ZMYM2: variants seen among roughly 807,000 people sequenced by gnomAD.
ZMYM2 encodes zinc finger MYM-type protein 2.
A neutral mutation model predicts 162.8 loss-of-function variants in ZMYM2; 56 were observed. The ratio of observed to expected loss-of-function variants is 0.34; its 90% CI spans 0.28 to 0.43. The LOEUF (loss-of-function observed/expected upper bound fraction) is 0.43, where lower values mean the gene tolerates loss of function less well. Ranked by LOEUF, ZMYM2 falls within the 20% of genes least tolerant of loss-of-function variation. The pLI is 1.00. For missense variants in ZMYM2, 1,275 were observed against 1,621.8 expected, an observed-to-expected ratio of 0.79 and a Z score of 3.67; for synonymous variants, 510 against 541.6, an observed-to-expected ratio of 0.94 and a Z score of 0.81.
the ZMYM2 span, among the ~76,000 whole-genome samples, chr13:19,919,564 G>T: frequency 3.3e-5 from 5 of 151,916 alleles, no homozygotes; most frequent in African/African-American, 1.2e-4. Context: ...ATATCTCATT[G>T]TGGTTTTAGT....
At chr13:20,059,404 G>A (rs770440328) in intron 15 of ZMYM2, 43 bp from the exon 16 acceptor site, 61 of 1,602,954 alleles carry the variant, frequency 3.8e-5, no homozygotes, top group Non-Finnish European at 5.1e-5. Context: ...CTGTATATAA[G>A]TGTTAGTTAA....
the ZMYM2 span, among the ~76,000 whole-genome samples, chr13:19,888,285 C>A: frequency 7.2e-5 from 11 of 151,926 alleles, no homozygotes; most frequent in South Asian, 2.3e-3. Context: ...ACCTCCTGGG[C>A]TCACGCAGTT....
upstream of ZMYM2, among the ~76,000 whole-genome samples, chr13:19,955,590 A>G (rs147017742): frequency 6.6e-6 from 1 of 152,248 alleles, no homozygotes; most frequent in African/African-American, 2.4e-5. Flanking sequence ...TAACACTTTT[A>G]TATCACTTTC....
chr13:19,987,111 CAAAAA>C (rs58588019), intron 2 of ZMYM2, among the ~76,000 whole-genome samples: 4 of 40,934 alleles, frequency 9.8e-5, no homozygotes, highest in Admixed American at 3.8e-4. Context: ...GGCTCCGTCT[CAAAAA>C]AAAAAAAAAA....
chr13:19,987,783 A>G (rs1209301983), intron 2 of ZMYM2, among the ~76,000 whole-genome samples: 1 of 151,062 alleles, frequency 6.6e-6, no homozygotes, highest in Non-Finnish European at 1.5e-5. Flanking sequence ...GCCCAGCCTA[A>G]TTTTTGTATT....
intron 2 of ZMYM2, among the ~76,000 whole-genome samples, 188 bp downstream of exon 2, chr13:19,960,214 C>T (rs1269475385): frequency 6.6e-6 from 1 of 152,178 alleles, no homozygotes; most frequent in Non-Finnish European, 1.5e-5. Flanking sequence ...CTGTTTCCAC[C>T]GCTGCAGACA....
chr13:20,015,448 A>G (rs1172600265), intron 6 of ZMYM2, among the ~76,000 whole-genome samples: 1 of 152,212 alleles, frequency 6.6e-6, no homozygotes, highest in African/African-American at 2.4e-5. Flanking sequence ...AAGAATACTC[A>G]ATATATGTTT....
intron 15 of ZMYM2, 70 bp downstream of exon 15, chr13:20,058,774 C>T: frequency 6.4e-7 from 1 of 1,565,152 alleles, no homozygotes; most frequent in Non-Finnish European, 8.8e-7. Context: ...ACATGCTTTT[C>T]TTGAATGACA....
At chr13:19,880,023 T>C in the ZMYM2 span, among the ~76,000 whole-genome samples, 578 of 152,274 alleles carry the variant, frequency 3.8e-3, no homozygotes, top group Non-Finnish European at 6.3e-3. Flanking sequence ...CCCTTAGAAA[T>C]TGGAGCTCTT....
At chr13:20,010,557 A>ATC (rs1371816917) in intron 6 of ZMYM2, among the ~76,000 whole-genome samples, 1 of 152,108 alleles carries the variant, frequency 6.6e-6, no homozygotes, top group Non-Finnish European at 1.5e-5. Context: ...TTGGAGAAGT[A>ATC]TCTATTCAAG....
the ZMYM2 span, among the ~76,000 whole-genome samples, chr13:19,882,571 A>C: frequency 6.6e-6 from 1 of 152,062 alleles, no homozygotes; most frequent in Non-Finnish European, 1.5e-5. Flanking sequence ...ACAAGGTGAG[A>C]CCCAGTCTCT....
chr13:20,002,740 A>C, intron 3 of ZMYM2, 110 bp from the exon 4 acceptor site: 2 of 1,384,708 alleles, frequency 1.4e-6, no homozygotes. Context: ...TGTTCCATTA[A>C]CATCTTAAAA....
intron 9 of ZMYM2, among the ~76,000 whole-genome samples, chr13:20,028,820 T>C (rs1490780400): frequency 1.3e-5 from 2 of 152,098 alleles, no homozygotes; most frequent in Non-Finnish European, 2.9e-5. Context: ...TTTTTTTTTT[T>C]TTTAATTTTT....
At chr13:19,970,307 G>A (rs1279064599) in intron 2 of ZMYM2, among the ~76,000 whole-genome samples, 1 of 152,038 alleles carries the variant, frequency 6.6e-6, no homozygotes, top group Non-Finnish European at 1.5e-5. Flanking sequence ...TACCTTCTTT[G>A]GTAAAGGGGA....
intron 6 of ZMYM2, among the ~76,000 whole-genome samples, chr13:20,018,474 CT>C (rs1405805418): frequency 6.6e-6 from 1 of 152,060 alleles, no homozygotes; most frequent in Non-Finnish European, 1.5e-5. Flanking sequence ...TATCATAATC[CT>C]TCCTTACTTT....
chr13:20,027,409 T>G, intron 9 of ZMYM2, 91 bp downstream of exon 9: 2 of 988,920 alleles, frequency 2.0e-6, no homozygotes, highest in Non-Finnish European at 2.8e-6. Flanking sequence ...TTTATCTTAA[T>G]TTTTACGTAG....
rs74035903 is a variant in ZMYM2 at position 20,054,200 on chromosome 13, G to T, written c.2493+1889G>T. Among the ~76,000 whole-genome samples, 968 of 152,272 alleles carry T rather than the reference G, an allele frequency of 6.4e-3. 16 individuals carry two copies. The highest frequency in any genetic ancestry group is 0.022 in the African/African-American group (905 of 41,524). On this transcript the variant is annotated intron_variant, in intron 14 of 24. Coordinates refer to ENST00000610343, the MANE Select transcript of ZMYM2 (RefSeq NM_197968.4). ...TAGGAGCTTAGCTGTATAATTTTGG[G>T]CAAGTTACTTCACTGTTCTTTTTGT...
intron 16 of ZMYM2, 114 bp downstream of exon 16, chr13:20,059,676 G>A: frequency 1.6e-6 from 1 of 608,468 alleles, no homozygotes; most frequent in South Asian, 1.7e-5. Context: ...ATCCACATAT[G>A]TGGATGATTT....
chr13:20,003,531 A>G (rs1950535801), intron 4 of ZMYM2, among the ~76,000 whole-genome samples: 1 of 152,246 alleles, frequency 6.6e-6, no homozygotes, highest in Admixed American at 6.5e-5. Context: ...TGTTTTGAAC[A>G]TTAAGTCATT....
Sources: allele counts gnomAD v4.1 joint callset (sites outside exome capture counted in the v4.1 genomes callset), GRCh38; gene constraint gnomAD v4.1.1; transcripts MANE v1.5; gene names NCBI Gene and HGNC (gene_info 2026-07-23, HGNC 2026-07-21).